CALD1: variants seen among roughly 807,000 people sequenced by gnomAD.
The protein encoded by CALD1 is caldesmon.
In CALD1, 33 loss-of-function variants were observed where a neutral mutation model predicts 99.9. That is an observed-to-expected ratio of 0.33 (90% confidence interval 0.25 to 0.44). The LOEUF (loss-of-function observed/expected upper bound fraction) is 0.44. Among genes scored for constraint, CALD1 ranks in the 20% least tolerant of loss-of-function variants. CALD1 has a pLI of 1.00. For missense variants in CALD1, 861 were observed against 962.1 expected, an observed-to-expected ratio of 0.89 and a Z score of 1.39; for synonymous variants, 310 against 325.0, an observed-to-expected ratio of 0.95 and a Z score of 0.50.
At chr7:134,853,661 C>G (rs558539801) in intron 2 of CALD1, among the ~76,000 whole-genome samples, 1 of 152,280 alleles carries the variant, frequency 6.6e-6, no homozygotes, top group South Asian at 2.1e-4. Context: ...CTACACTAAG[C>G]AAGGTAGCTA....
rs557573945 is a variant in CALD1, at chr7:134,871,331, G to T, written c.71+3527G>T. On this transcript the variant is annotated intron_variant, in intron 3 of 14. Coordinates refer to ENST00000361675, the MANE Select transcript of CALD1 (RefSeq NM_033138.4). ...TTTGAATTTAGGGAACTAAAAGAAA[G>T]ATTTCATCCCTGATCTGGAGGGCAG... 5.9e-5 allele frequency among the ~76,000 whole-genome samples: 9 copies of T among 152,316 alleles called. No homozygotes were observed. In the East Asian group the frequency reaches 1.7e-3, roughly 29 times the overall value.
chr7:134,809,161 T>C (rs868506105), intron 1 of CALD1, among the ~76,000 whole-genome samples: 4 of 152,224 alleles, frequency 2.6e-5, no homozygotes, highest in African/African-American at 4.8e-5. Flanking sequence ...AGAGACACTG[T>C]AGTACAATAC....
intron 11 of CALD1, 47 bp from the exon 12 acceptor site, chr7:134,959,927 G>A: frequency 3.1e-6 from 5 of 1,589,716 alleles, no homozygotes; most frequent in Non-Finnish European, 3.4e-6. Flanking sequence ...AATTTTATGA[G>A]AACAAACTTC....
intron 2 of CALD1, among the ~76,000 whole-genome samples, chr7:134,854,954 T>C (rs1216688061): frequency 6.6e-6 from 1 of 152,184 alleles, no homozygotes; most frequent in Non-Finnish European, 1.5e-5. Context: ...TCACAAGTTA[T>C]GGCTGTTTAA....
the CALD1 span, among the ~76,000 whole-genome samples, chr7:134,714,897 G>A: frequency 6.6e-6 from 1 of 152,098 alleles, no homozygotes; most frequent in Non-Finnish European, 1.5e-5. Flanking sequence ...TTGCTTTCTT[G>A]GTGCCACTTG....
the CALD1 span, among the ~76,000 whole-genome samples, chr7:134,735,607 G>GTC: frequency 6.7e-6 from 1 of 150,036 alleles, no homozygotes; most frequent in Non-Finnish European, 1.5e-5. Flanking sequence ...GTGTGTGTGT[G>GTC]TGTAGCTCTC....
chr7:134,780,959 TGCAA>T (rs1190222438), intron 1 of CALD1, among the ~76,000 whole-genome samples: 1 of 152,240 alleles, frequency 6.6e-6, no homozygotes, highest in Admixed American at 6.5e-5. Flanking sequence ...TTTTATTCCA[TGCAA>T]TGCGGTAGTT....
Position 134,872,486 on chromosome 7 carries a change from G to A in CALD1, c.71+4682G>A, listed in dbSNP as rs118153681. Among the ~76,000 whole-genome samples the A allele has an allele frequency of 3.7e-3, 558 of 152,000 alleles. 8 individuals are homozygous for A. The highest frequency in any genetic ancestry group is 0.03 in the South Asian group (144 of 4,808). ...TCTCACTCTGAGTTCTTGAGATAAG[G>A]TCTTTAGATTTGGCAAAAAGGAAGG... On this transcript the variant is annotated intron_variant, in intron 3 of 14. Coordinates refer to ENST00000361675, the MANE Select transcript of CALD1 (RefSeq NM_033138.4).
intron 1 of CALD1, among the ~76,000 whole-genome samples, chr7:134,830,485 G>A (rs953691248): frequency 3.3e-5 from 5 of 151,896 alleles, no homozygotes; most frequent in Admixed American, 1.3e-4. Flanking sequence ...ACGGGGGTTT[G>A]TTATACAGAT....
At chr7:134,757,984 A>T (rs1297924030) in intron 1 of CALD1, among the ~76,000 whole-genome samples, 1 of 152,220 alleles carries the variant, frequency 6.6e-6, no homozygotes, top group East Asian at 1.9e-4. Flanking sequence ...CTGCACAGGC[A>T]TCTATTTGAT....
At chr7:134,878,313 A>G (rs986563603) in intron 3 of CALD1, among the ~76,000 whole-genome samples, 1 of 152,166 alleles carries the variant, frequency 6.6e-6, no homozygotes, top group African/African-American at 2.4e-5. Flanking sequence ...TCCTGCGTGT[A>G]ATGTCAGCAC....
the CALD1 span, among the ~76,000 whole-genome samples, chr7:134,728,379 G>A: frequency 6.6e-6 from 1 of 152,168 alleles, no homozygotes; most frequent in Non-Finnish European, 1.5e-5. Flanking sequence ...GAAAACAGAA[G>A]TCAGGCACAG....
chr7:134,965,573 C>T (rs1381114999), intron 14 of CALD1, 187 bp downstream of exon 14: 3 of 504,862 alleles, frequency 5.9e-6, no homozygotes, highest in Non-Finnish European at 1.1e-5. Flanking sequence ...GTCAGTCATA[C>T]AACATAAACG....
upstream of CALD1, among the ~76,000 whole-genome samples, chr7:134,777,836 T>A (rs1367841330): frequency 5.3e-5 from 8 of 152,238 alleles, no homozygotes; most frequent in Non-Finnish European, 1.2e-4. Context: ...AGTATTATTC[T>A]ATCTTTCCTT....
At chr7:134,954,429 T>C (rs532349013) in intron 9 of CALD1, among the ~76,000 whole-genome samples, 6 of 152,320 alleles carry the variant, frequency 3.9e-5, no homozygotes, top group African/African-American at 1.2e-4. Flanking sequence ...ATTTCCCTTG[T>C]TAAATTCCTT....
the CALD1 span, among the ~76,000 whole-genome samples, chr7:134,735,753 G>C: frequency 6.6e-6 from 1 of 152,144 alleles, no homozygotes; most frequent in Non-Finnish European, 1.5e-5. Flanking sequence ...GTTGAATTTG[G>C]AACTTTTTTC....
chr7:134,904,635 C>T (rs1803238400), intron 3 of CALD1, among the ~76,000 whole-genome samples: 1 of 152,032 alleles, frequency 6.6e-6, no homozygotes, highest in South Asian at 2.1e-4. Flanking sequence ...GGGAGGACAG[C>T]TGGGTCCTTC....
intron 6 of CALD1, among the ~76,000 whole-genome samples, chr7:134,938,069 A>C (rs1380775406): frequency 6.6e-6 from 1 of 152,208 alleles, no homozygotes; most frequent in African/African-American, 2.4e-5. Flanking sequence ...ATCACCTGGC[A>C]GTCTTATTAA....
At chr7:134,768,609 G>A (rs964046036) in intron 1 of CALD1, among the ~76,000 whole-genome samples, 3 of 152,020 alleles carry the variant, frequency 2.0e-5, no homozygotes, top group Non-Finnish European at 4.4e-5. Flanking sequence ...TAGGAACATC[G>A]GAGAAGTAAT....
Sources: gnomAD v4.1 joint callset for allele counts (sites outside exome capture counted in the v4.1 genomes callset) on GRCh38, gnomAD v4.1.1 for gene constraint, MANE v1.5 for transcripts, NCBI Gene and HGNC (gene_info 2026-07-23, HGNC 2026-07-21) for gene names.